MAPK10: variants seen among roughly 807,000 people sequenced by gnomAD.
MAPK10 encodes the protein mitogen-activated protein kinase 10, also known as JNK3 alpha protein kinase.
Under a neutral mutation model 59.3 loss-of-function variants are expected in MAPK10, and 25 were observed. That is an observed-to-expected ratio of 0.42 (90% confidence interval 0.31 to 0.59). The LOEUF is 0.59. Among genes scored for constraint, MAPK10 ranks in the 20% least tolerant of loss-of-function variants. The pLI, the probability that MAPK10 is intolerant of heterozygous loss-of-function variation, is 0.15. For missense variants in MAPK10, 351 were observed against 568.9 expected (o/e 0.62, Z 3.90); for synonymous variants, 190 against 200.5 (o/e 0.95, Z 0.44).
chr4:86,561,718 T>C (rs1760694698), intron 1 of MAPK10, among the ~76,000 whole-genome samples: 1 of 152,190 alleles, frequency 6.6e-6, no homozygotes, highest in South Asian at 2.1e-4. Flanking sequence ...AAACAGATAA[T>C]TAAGGAGGTT....
intron 1 of MAPK10, among the ~76,000 whole-genome samples, chr4:86,564,561 G>T (rs1164600279): frequency 6.6e-6 from 1 of 152,102 alleles, no homozygotes. Context: ...ACATTTATTT[G>T]CCTATGAATG....
chr4:86,169,259 C>T (rs781660947), intron 3 of MAPK10, among the ~76,000 whole-genome samples: 26 of 152,252 alleles, frequency 1.7e-4, no homozygotes, highest in Admixed American at 3.3e-4. Flanking sequence ...GACGATCAAA[C>T]TACTCCGAGC....
chr4:86,256,716 TTTTTC>T (rs2093730088), intron 2 of MAPK10, among the ~76,000 whole-genome samples: 1 of 147,418 alleles, frequency 6.8e-6, no homozygotes, highest in Admixed American at 6.8e-5. Context: ...ATACTCCATT[TTTTTC>T]TTTTCTTTCT....
chr4:86,083,536 C>T (rs537664077), intron 9 of MAPK10, among the ~76,000 whole-genome samples: 28 of 152,280 alleles, frequency 1.8e-4, no homozygotes, highest in African/African-American at 6.3e-4. Context: ...GCAGTCAGAA[C>T]TTGAGATCCC....
chr4:86,408,506 C>T (rs1037842363), intron 1 of MAPK10, among the ~76,000 whole-genome samples: 1 of 152,196 alleles, frequency 6.6e-6, no homozygotes, highest in Admixed American at 6.5e-5. Flanking sequence ...AACTAATTTA[C>T]ACTTCCACCA....
intron 1 of MAPK10, among the ~76,000 whole-genome samples, chr4:86,397,891 C>T (rs1382398197): frequency 3.3e-5 from 3 of 91,024 alleles, no homozygotes; most frequent in African/African-American, 1.3e-4. Flanking sequence ...AAAAAAAAAA[C>T]TGGCTTTTTC....
At position 86,411,634 on chromosome 4, in the gene MAPK10, A is replaced by G. The variant is rs371282607; in HGVS notation, c.-122+41396T>C. Among the ~76,000 whole-genome samples the G allele has an allele frequency of 1.4e-4, 22 of 152,282 alleles. No individual in the cohort carries two copies. The South Asian group carries it at 2.3e-3, about 16-fold the overall frequency. On this transcript the variant is annotated intron_variant, in intron 1 of 13. Transcript: ENST00000361569. ...ATAGTTAGCTCTTCTTGTTGAATTT[A>G]TTCCTTTACCATTATGTAATGGCCT...
chr4:86,454,063 G>C (rs994732993), upstream of MAPK10, among the ~76,000 whole-genome samples: 7 of 152,170 alleles, frequency 4.6e-5, no homozygotes, highest in African/African-American at 1.4e-4. Context: ...TAGGAAAAGA[G>C]GGACAGTACT....
At chr4:86,401,648 T>A (rs1327000618) in intron 1 of MAPK10, among the ~76,000 whole-genome samples, 1 of 152,224 alleles carries the variant, frequency 6.6e-6, no homozygotes, top group African/African-American at 2.4e-5. Context: ...CAGACAATTC[T>A]ATAATCTCTA....
intron 2 of MAPK10, among the ~76,000 whole-genome samples, chr4:86,274,867 G>T (rs1244408175): frequency 2.0e-5 from 3 of 151,996 alleles, no homozygotes; most frequent in Non-Finnish European, 4.4e-5. Flanking sequence ...TTGACAGAAA[G>T]ACTGAGATTA....
intron 6 of MAPK10, chr4:86,102,921 A>G: frequency 3.5e-6 from 1 of 283,694 alleles, no homozygotes; most frequent in Non-Finnish European, 6.6e-6. Flanking sequence ...AAGAGCATGG[A>G]ACAACAAAGT....
At chr4:86,448,800 T>C (rs567927761) in intron 1 of MAPK10, among the ~76,000 whole-genome samples, 9 of 152,292 alleles carry the variant, frequency 5.9e-5, no homozygotes, top group African/African-American at 1.9e-4. Flanking sequence ...TAATATATAA[T>C]GAAAGAATTA....
chr4:86,210,392 C>T (rs931974307), intron 2 of MAPK10, among the ~76,000 whole-genome samples: 1 of 147,414 alleles, frequency 6.8e-6, no homozygotes, highest in Non-Finnish European at 1.5e-5. Context: ...GTATTAATAA[C>T]AGAATATATA....
chr4:86,572,835 T>C (rs543611587), intron 1 of MAPK10, among the ~76,000 whole-genome samples: 1 of 152,340 alleles, frequency 6.6e-6, no homozygotes, highest in South Asian at 2.1e-4. Flanking sequence ...TTTTAAAATA[T>C]AGCCATTCTA....
chr4:86,451,517 GA>G (rs1314930848), intron 1 of MAPK10, among the ~76,000 whole-genome samples: 1 of 152,170 alleles, frequency 6.6e-6, no homozygotes, highest in Non-Finnish European at 1.5e-5. Flanking sequence ...GACTTCCCCA[GA>G]ACCAGACCCT....
rs1757681291 is a variant in MAPK10, at chr4:86,529,083, C to A, written c.-263+64827G>T. Reference sequence around the variant, plus strand: ...ATTGGGAAAGGGAGAAAGGAGAAAACAAAAAGGAAGCATGAGCATCTCTGC... The same window carrying A: ...ATTGGGAAAGGGAGAAAGGAGAAAAAAAAAAGGAAGCATGAGCATCTCTGC... On this transcript the variant is annotated intron_variant, in intron 1 of 4. Transcript: ENST00000502302. 2.0e-5 allele frequency among the ~76,000 whole-genome samples: 3 copies of A among 152,122 alleles called. No homozygotes were observed. In the South Asian group the frequency reaches 6.2e-4, roughly 31 times the overall value.
At chr4:86,426,933 T>C (rs1334611989) in intron 1 of MAPK10, among the ~76,000 whole-genome samples, 1 of 152,202 alleles carries the variant, frequency 6.6e-6, no homozygotes, top group East Asian at 1.9e-4. Flanking sequence ...TTTTTTATCT[T>C]TTCGACTCTA....
At chr4:86,467,676 T>A (rs1346945663) in intron 1 of MAPK10, among the ~76,000 whole-genome samples, 1 of 152,124 alleles carries the variant, frequency 6.6e-6, no homozygotes, top group African/African-American at 2.4e-5. Context: ...TGTGCCACCA[T>A]GCCCAGCTAA....
At chr4:86,123,953 T>C (rs1580715657) in intron 4 of MAPK10, 1 of 152,206 alleles carries the variant, frequency 6.6e-6, no homozygotes, top group South Asian at 2.1e-4. Flanking sequence ...ATAAAATTAA[T>C]ATATTTCAAT....
Sources: gnomAD v4.1 joint callset for allele counts (sites outside exome capture counted in the v4.1 genomes callset) on GRCh38, gnomAD v4.1.1 for gene constraint, MANE v1.5 for transcripts, NCBI Gene and HGNC (gene_info 2026-07-23, HGNC 2026-07-21) for gene names.